PRKAR1A: variants seen among roughly 807,000 people sequenced by gnomAD.
PRKAR1A encodes the protein protein kinase cAMP-dependent type I regulatory subunit alpha.
In PRKAR1A, 3 loss-of-function variants were observed where a neutral mutation model predicts 52.0. That is an observed-to-expected ratio of 0.06 (90% CI 0.03 to 0.15). The LOEUF (loss-of-function observed/expected upper bound fraction) is 0.15. PRKAR1A is among the 10% of genes least tolerant of loss of function. PRKAR1A has a pLI of 1.00. For synonymous variants in PRKAR1A, 188 were observed against 168.4 expected, an observed-to-expected ratio of 1.12 and a Z score of -0.90; for missense variants, 240 against 477.4, an observed-to-expected ratio of 0.50 and a Z score of 4.63.
At chr17:68,495,596 A>G in the PRKAR1A span, among the ~76,000 whole-genome samples, 2 of 152,086 alleles carry the variant, frequency 1.3e-5, no homozygotes, top group Non-Finnish European at 2.9e-5. Context: ...TCTCTGTGCT[A>G]ATGTTTGTAT....
chr17:68,469,518 T>C, the PRKAR1A span, among the ~76,000 whole-genome samples: 1 of 152,204 alleles, frequency 6.6e-6, no homozygotes, highest in Admixed American at 6.5e-5. Context: ...CCCCCATGTA[T>C]AGGTGCTCAT....
intron 11 of PRKAR1A, chr17:68,540,074 G>A: frequency 2.3e-6 from 2 of 855,030 alleles, no homozygotes; most frequent in African/African-American, 2.2e-5. Flanking sequence ...TGAGAGACAG[G>A]GGTGTGAACG....
At chr17:68,510,510 C>T (rs891751898), upstream of PRKAR1A, among the ~76,000 whole-genome samples, 3 of 152,158 alleles carry the variant, frequency 2.0e-5, no homozygotes, top group Admixed American at 6.5e-5. Context: ...AAGTCAATTA[C>T]CGGACATGGC....
At chr17:68,429,532 T>C in the PRKAR1A span, among the ~76,000 whole-genome samples, 1 of 152,314 alleles carries the variant, frequency 6.6e-6, no homozygotes, top group Admixed American at 6.5e-5. Flanking sequence ...AGAATCCGTA[T>C]TGAAGTCAGA....
chr17:68,491,257 A>T, the PRKAR1A span, among the ~76,000 whole-genome samples: 2 of 151,714 alleles, frequency 1.3e-5, no homozygotes, highest in Non-Finnish European at 2.9e-5. Context: ...ATGCCCAGCT[A>T]ATTTTTGTAT....
the PRKAR1A span, among the ~76,000 whole-genome samples, chr17:68,438,642 C>T: frequency 6.6e-6 from 1 of 152,184 alleles, no homozygotes; most frequent in African/African-American, 2.4e-5. Flanking sequence ...ACTCTGTTGC[C>T]CAAGCTGCAG....
chr17:68,424,652 G>A, the PRKAR1A span: 1 of 379,776 alleles, frequency 2.6e-6, no homozygotes, highest in South Asian at 2.0e-5. Flanking sequence ...GAGACGAGTG[G>A]ATCACTTGAG....
chr17:68,440,444 T>C, the PRKAR1A span, among the ~76,000 whole-genome samples: 1 of 152,144 alleles, frequency 6.6e-6, no homozygotes, highest in East Asian at 1.9e-4. Flanking sequence ...AAAATATTAT[T>C]GTATAATATA....
At chr17:68,459,558 A>C in the PRKAR1A span, among the ~76,000 whole-genome samples, 8 of 152,324 alleles carry the variant, frequency 5.3e-5, no homozygotes, top group African/African-American at 1.9e-4. Context: ...GACTAATGTG[A>C]AATTCTGGAA....
At chr17:68,472,311 G>C in the PRKAR1A span, among the ~76,000 whole-genome samples, 2 of 152,108 alleles carry the variant, frequency 1.3e-5, no homozygotes, top group Admixed American at 1.3e-4. Flanking sequence ...CTTGCCATGG[G>C]TGGAGAAGTC....
At chr17:68,428,742 G>C in the PRKAR1A span, 4 of 991,034 alleles carry the variant, frequency 4.0e-6, no homozygotes, top group East Asian at 2.5e-5. Context: ...TCAATGCAAG[G>C]GCACTGAAGC....
At chr17:68,466,900 A>AC in the PRKAR1A span, among the ~76,000 whole-genome samples, 1 of 152,054 alleles carries the variant, frequency 6.6e-6, no homozygotes, top group Non-Finnish European at 1.5e-5. Flanking sequence ...AAAACCCTGT[A>AC]CCCCTTAAAC....
the PRKAR1A span, among the ~76,000 whole-genome samples, chr17:68,497,044 G>A: frequency 4.6e-5 from 7 of 151,984 alleles, no homozygotes; most frequent in East Asian, 1.2e-3. Context: ...GGCTGGTCTC[G>A]AACTCCTGAG....
At chr17:68,500,999 A>G in the PRKAR1A span, among the ~76,000 whole-genome samples, 1 of 152,236 alleles carries the variant, frequency 6.6e-6, no homozygotes, top group Non-Finnish European at 1.5e-5. Flanking sequence ...TTCCAAAGGA[A>G]CATTTAACAG....
downstream of PRKAR1A, among the ~76,000 whole-genome samples, chr17:68,533,827 A>G (rs561087571): frequency 6.6e-6 from 1 of 152,244 alleles, no homozygotes; most frequent in Admixed American, 6.5e-5. Flanking sequence ...TCCCAGATTC[A>G]AGTGATTCTT....
chr17:68,524,124 G>T, intron 5 of PRKAR1A, 47 bp downstream of exon 5: 2 of 1,596,312 alleles, frequency 1.3e-6, no homozygotes, highest in East Asian at 2.2e-5. Flanking sequence ...GAGGAGGCGA[G>T]ACTAGAGGAT....
rs1600486090 is a variant in PRKAR1A, at chr17:68,525,781, A to G, written c.577A>G (p.Ser193Gly). 1.9e-6 allele frequency: 3 copies of G among 1,613,878 alleles called. No homozygotes were observed. The highest frequency in any genetic ancestry group is 1.1e-5 in the South Asian group (1 of 91,084). ...CTATGTTAACAATGAATGGGCAACCAGTGTTGGGGAAGGAGGGAGCTTTGG... is the reference window on the plus strand; with the variant it reads ...CTATGTTAACAATGAATGGGCAACCGGTGTTGGGGAAGGAGGGAGCTTTGG... ...DVYVNNEWAT[S>G]VGEGGSFGEL... is the part of the protein sequence containing the mutation. The change falls in exon 7 of 11, where the codon AGT (serine) becomes GGT (glycine). Residue 193 changes from serine to glycine, a missense_variant. Coordinates refer to ENST00000589228, the MANE Select transcript of PRKAR1A (RefSeq NM_002734.5).
chr17:68,499,735 A>G, the PRKAR1A span, among the ~76,000 whole-genome samples: 1 of 152,234 alleles, frequency 6.6e-6, no homozygotes, highest in African/African-American at 2.4e-5. Context: ...TAAGATTGCC[A>G]CCGTGCTATA....
At chr17:68,501,743 C>CT in the PRKAR1A span, among the ~76,000 whole-genome samples, 23 of 152,210 alleles carry the variant, frequency 1.5e-4, 1 homozygote, top group Admixed American at 1.5e-3. Flanking sequence ...CAGGCATGAG[C>CT]CACCATGCCC....
Sources: allele counts gnomAD v4.1 joint callset (sites outside exome capture counted in the v4.1 genomes callset), GRCh38; gene constraint gnomAD v4.1.1; transcripts MANE v1.5; gene names NCBI Gene and HGNC (gene_info 2026-07-23, HGNC 2026-07-21).